Variants in ZFHX3 observed in about 807,000 individuals in gnomAD.
The protein encoded by ZFHX3 is zinc finger homeobox 3, also known as zinc finger homeobox protein 3.
In ZFHX3, 42 loss-of-function variants were observed where a neutral mutation model predicts 279.1. That is an observed-to-expected ratio of 0.15 (90% CI 0.12 to 0.19). ZFHX3 has a LOEUF of 0.19. Among genes scored for constraint, ZFHX3 ranks in the 10% least tolerant of loss-of-function variants. The pLI, the probability that ZFHX3 is intolerant of heterozygous loss-of-function variation, is 1.00. For missense variants in ZFHX3, 4,981 were observed against 4,754.0 expected (o/e 1.05, Z -1.40); for synonymous variants, 2,293 against 1,957.8 (o/e 1.17, Z -4.52).
At chr16:73,373,152 G>A (rs973134069) in intron 3 of ZFHX3, among the ~76,000 whole-genome samples, 10 of 143,878 alleles carry the variant, frequency 7.0e-5, no homozygotes, top group Non-Finnish European at 1.2e-4. Flanking sequence ...TGGGGGGGGG[G>A]TGGTTCCAAA....
intron 2 of ZFHX3, among the ~76,000 whole-genome samples, chr16:73,636,332 C>G (rs2052526881): frequency 6.6e-6 from 1 of 152,038 alleles, no homozygotes; most frequent in Non-Finnish European, 1.5e-5. Context: ...GAAACCCTGG[C>G]AACAAAAATA....
In ZFHX3 at chr16:72,793,455, A is replaced by G; in HGVS notation, c.9227T>C (p.Met3076Thr). ...YFDPATVRQL[M>T]AQQELDRIKK... ...AATCCGGTCCAACTCTTGTTGAGCC[A>G]TCAACTGACGTACGGTGGCTGGGTC... The change falls in exon 9 of 10, where the codon ATG becomes ACG. Residue 3076 changes from methionine to threonine, a missense_variant. By Grantham distance (81) the Met-to-Thr change is moderately conservative. Around this residue, in one of 7 missense-constraint regions of ZFHX3, gnomAD observed 168 missense variants for 249.1 expected, o/e 0.67. Transcript: ENST00000268489. This position sits in a 1 kb window ranked among gnomAD's most constrained non-coding sequence, Gnocchi z 4.3. The G allele has an allele frequency of 6.2e-7, 1 of 1,614,228 alleles. No homozygotes were observed. The highest frequency in any genetic ancestry group is 1.7e-5 in the Admixed American group (1 of 60,036).
chr16:73,556,931 T>C (rs1449524726), intron 2 of ZFHX3, among the ~76,000 whole-genome samples: 1 of 151,304 alleles, frequency 6.6e-6, no homozygotes, highest in Non-Finnish European at 1.5e-5. Flanking sequence ...CCATCTCTAC[T>C]AAAAATACAA....
At chr16:73,214,644 G>T (rs943996086) in intron 5 of ZFHX3, among the ~76,000 whole-genome samples, 1 of 152,012 alleles carries the variant, frequency 6.6e-6, no homozygotes, top group Non-Finnish European at 1.5e-5. Flanking sequence ...CTTCCCATGT[G>T]CTCGAGATCT....
intron 5 of ZFHX3, among the ~76,000 whole-genome samples, chr16:73,166,295 C>G (rs1231445553): frequency 6.6e-6 from 1 of 152,158 alleles, no homozygotes; most frequent in Non-Finnish European, 1.5e-5. Context: ...GTGTTATGAA[C>G]TGCCTGGTCT....
chr16:72,976,013 G>A (rs1181347999), intron 1 of ZFHX3, among the ~76,000 whole-genome samples: 5 of 152,200 alleles, frequency 3.3e-5, no homozygotes, highest in Non-Finnish European at 7.3e-5. Flanking sequence ...TCTGGTCCCA[G>A]GGGAGAAATT....
chr16:73,381,439 C>CAG (rs139522840), intron 3 of ZFHX3, among the ~76,000 whole-genome samples: 8 of 150,076 alleles, frequency 5.3e-5, no homozygotes, highest in South Asian at 2.1e-4. Flanking sequence ...GTGGTTTGGG[C>CAG]AGAGAGAGAG....
intron 1 of ZFHX3, among the ~76,000 whole-genome samples, chr16:73,857,732 C>T (rs1327695064): frequency 2.0e-5 from 3 of 152,144 alleles, no homozygotes; most frequent in African/African-American, 7.2e-5. Context: ...AGAGAAGATT[C>T]CCCTTCTATG....
chr16:73,618,180 A>G (rs2052324363), intron 2 of ZFHX3, among the ~76,000 whole-genome samples: 1 of 152,204 alleles, frequency 6.6e-6, no homozygotes, highest in Admixed American at 6.5e-5. Context: ...CATTCAGGGC[A>G]GTTCCTCATA....
At chr16:73,782,019 G>T (rs1038923154) in intron 1 of ZFHX3, among the ~76,000 whole-genome samples, 5 of 152,064 alleles carry the variant, frequency 3.3e-5, no homozygotes, top group African/African-American at 1.2e-4. Flanking sequence ...AACAAGGAAG[G>T]CTACCCTGGA....
chr16:73,150,016 T>A (rs1966901651), intron 5 of ZFHX3, among the ~76,000 whole-genome samples: 1 of 152,180 alleles, frequency 6.6e-6, no homozygotes, highest in Admixed American at 6.5e-5. Context: ...TACAGTTTGA[T>A]TCCAGAATGG....
chr16:73,844,321 G>C (rs1220477682), intron 1 of ZFHX3, among the ~76,000 whole-genome samples: 1 of 152,166 alleles, frequency 6.6e-6, no homozygotes, highest in African/African-American at 2.4e-5. Flanking sequence ...TTTTGCTACT[G>C]GTACTTGGAC....
At chr16:73,490,124 C>T (rs1365696498) in intron 2 of ZFHX3, among the ~76,000 whole-genome samples, 1 of 152,176 alleles carries the variant, frequency 6.6e-6, no homozygotes, top group Non-Finnish European at 1.5e-5. Context: ...TTACATTTCA[C>T]GTCTTAAAGT....
At chr16:72,812,600 G>T (rs2036492187) in intron 5 of ZFHX3, among the ~76,000 whole-genome samples, 1 of 152,202 alleles carries the variant, frequency 6.6e-6, no homozygotes, top group Admixed American at 6.5e-5. Context: ...ATCAAGTTTG[G>T]GTTCAGCAGT....
At chr16:73,545,000 T>G (rs1368183368) in intron 2 of ZFHX3, among the ~76,000 whole-genome samples, 1 of 152,126 alleles carries the variant, frequency 6.6e-6, no homozygotes, top group Non-Finnish European at 1.5e-5. Context: ...TGGAAAGGTT[T>G]TGCCCACAGC....
chr16:72,842,187 A>C (rs182192596), intron 4 of ZFHX3, among the ~76,000 whole-genome samples: 1 of 152,144 alleles, frequency 6.6e-6, no homozygotes, highest in African/African-American at 2.4e-5. Context: ...CCAAACTTTC[A>C]TAAGTGAGCA....
intron 4 of ZFHX3, among the ~76,000 whole-genome samples, chr16:73,294,770 C>T (rs1366353330): frequency 2.0e-5 from 3 of 150,984 alleles, no homozygotes; most frequent in African/African-American, 7.3e-5. Context: ...CAAGACCGTA[C>T]CACTGCACTC....
At chr16:73,190,893 C>T (rs1968016887) in intron 5 of ZFHX3, among the ~76,000 whole-genome samples, 1 of 140,114 alleles carries the variant, frequency 7.1e-6, no homozygotes, top group South Asian at 2.3e-4. Flanking sequence ...GGATAGAGAC[C>T]AGGGTGAAGA....
At chr16:72,983,405 G>A (rs2144548219) in intron 1 of ZFHX3, among the ~76,000 whole-genome samples, 1 of 152,314 alleles carries the variant, frequency 6.6e-6, no homozygotes, top group African/African-American at 2.4e-5. Context: ...AACCCCAAAG[G>A]GGTCGACAGA....
Sources: gnomAD v4.1 joint callset for allele counts (sites outside exome capture counted in the v4.1 genomes callset) on GRCh38, gnomAD v4.1.1 for gene constraint, gnomAD v4.1.1 regional missense constraint, Gnocchi (gnomAD v3.1) non-coding constraint, MANE v1.5 for transcripts, NCBI Gene and HGNC (gene_info 2026-07-23, HGNC 2026-07-21) for gene names.